The following CPA6 variants were observed in gnomAD, a reference collection of about 807,000 sequenced individuals.
CPA6 encodes carboxypeptidase A6.
A neutral mutation model predicts 63.3 loss-of-function variants in CPA6; 58 were observed. The observed-to-expected ratio is 0.92, with a 90% CI of 0.74 to 1.14. The LOEUF (loss-of-function observed/expected upper bound fraction) is 1.14, where lower values mean the gene tolerates loss of function less well. Ranked by LOEUF, CPA6 falls within the 50% of genes most tolerant of loss-of-function variation. The probability of loss-of-function intolerance (pLI) is 0.00; values close to 1 mark genes in which losing one functional copy is unlikely to be tolerated. For synonymous variants in CPA6, 185 were observed against 179.0 expected (o/e 1.03, Z -0.27); for missense variants, 565 against 526.6 (o/e 1.07, Z -0.71).
At chr8:67,529,878 T>C (rs1444650999) in intron 2 of CPA6, among the ~76,000 whole-genome samples, 1 of 152,178 alleles carries the variant, frequency 6.6e-6, no homozygotes, top group Non-Finnish European at 1.5e-5. Flanking sequence ...AGCTTTTTAA[T>C]GCCCAACTCT....
intron 8 of CPA6, among the ~76,000 whole-genome samples, chr8:67,453,670 C>T (rs1250718620): frequency 6.6e-6 from 1 of 151,482 alleles, no homozygotes; most frequent in African/African-American, 2.4e-5. Context: ...AAAAGAGGAC[C>T]AACAAAATAG....
At chr8:67,572,486 C>T (rs1316117140) in intron 2 of CPA6, among the ~76,000 whole-genome samples, 1 of 152,218 alleles carries the variant, frequency 6.6e-6, no homozygotes, top group African/African-American at 2.4e-5. Context: ...CTTTGATCTT[C>T]TCTGCCATGT....
intron 1 of CPA6, among the ~76,000 whole-genome samples, chr8:67,705,085 C>T (rs1000299347): frequency 3.9e-5 from 6 of 152,130 alleles, no homozygotes; most frequent in South Asian, 2.1e-4. Flanking sequence ...CCAGGTTGCC[C>T]CAGAATACCC....
rs1015254642 is a variant in CPA6, at chr8:67,636,598, A to C, written c.117-12347T>G. On this transcript the variant is annotated intron_variant, in intron 1 of 10. Transcript: ENST00000297770. Reference sequence around the variant, plus strand: ...TTTAATTTTGATGGCAGCTTAAAAAACTGTGTGTTTTCAGAAGGAAAGATT... The same window carrying C: ...TTTAATTTTGATGGCAGCTTAAAAACCTGTGTGTTTTCAGAAGGAAAGATT... 2.0e-5 allele frequency among the ~76,000 whole-genome samples: 3 copies of C among 151,424 alleles called. 1 individual carries two copies. The highest frequency in any genetic ancestry group is 7.4e-5 in the African/African-American group (3 of 40,792).
At chr8:67,544,789 C>A (rs1204264703) in intron 2 of CPA6, among the ~76,000 whole-genome samples, 1 of 152,164 alleles carries the variant, frequency 6.6e-6, no homozygotes. Context: ...CCCTTAATCC[C>A]CAACTTCCAC....
At position 67,509,582 on chromosome 8, in the gene CPA6, A is replaced by G; in HGVS notation, c.469T>C (p.Ser157Pro). The G allele has an allele frequency of 6.3e-7, 1 of 1,598,932 alleles. No homozygotes were observed. Residue 157 changes from serine to proline, a missense_variant, in exon 5 of 11, where the codon TCA becomes CCA. Ser to Pro is a moderately conservative substitution (Grantham distance 74). Coordinates refer to ENST00000297770, the MANE Select transcript of CPA6 (RefSeq NM_020361.5). ...NWMHHLNKTH[S>P]GLIHMFSIGR... ...ATAGAGAACATGTGAATGAGGCCTG[A>G]GTGAGTTTTATTCAGATGATGCATC...
chr8:67,699,592 T>C lies in CPA6; in HGVS notation c.116+46422A>G, dbSNP rs746138905. ...GAAGTGATTTATGTTTTTTCTTCTT[T>C]TTTTTTTTTCTTGAGACAGAGTTTC... On this transcript the variant is annotated intron_variant, in intron 1 of 10. Coordinates refer to ENST00000297770, the MANE Select transcript of CPA6 (RefSeq NM_020361.5). Among the ~76,000 whole-genome samples the C allele has an allele frequency of 3.9e-4, 60 of 151,904 alleles. 1 individual carries two copies. The highest frequency in any genetic ancestry group is 2.8e-3 in the Admixed American group (42 of 15,252).
At chr8:67,460,732 T>G (rs1810780905) in intron 8 of CPA6, among the ~76,000 whole-genome samples, 1 of 152,228 alleles carries the variant, frequency 6.6e-6, no homozygotes, top group African/African-American at 2.4e-5. Context: ...TATATCACAT[T>G]AAAGAAATTG....
intron 6 of CPA6, among the ~76,000 whole-genome samples, chr8:67,498,535 CAAAAAAA>C (rs397940852): frequency 1.2e-4 from 4 of 33,174 alleles, no homozygotes; most frequent in Non-Finnish European, 3.3e-4. Flanking sequence ...GACTCCATCT[CAAAAAAA>C]AAAAAAAAAA....
At chr8:67,573,345 G>A (rs1813534383) in intron 2 of CPA6, among the ~76,000 whole-genome samples, 1 of 152,164 alleles carries the variant, frequency 6.6e-6, no homozygotes, top group East Asian at 1.9e-4. Context: ...ACTGTTGGCT[G>A]ACAACATGAT....
intron 2 of CPA6, among the ~76,000 whole-genome samples, chr8:67,586,727 G>C (rs540520142): frequency 6.6e-6 from 1 of 152,166 alleles, no homozygotes; most frequent in Non-Finnish European, 1.5e-5. Flanking sequence ...TGATGTTGTT[G>C]CTAGAATTAT....
intron 6 of CPA6, among the ~76,000 whole-genome samples, chr8:67,487,591 AT>A (rs1811508814): frequency 6.6e-6 from 1 of 152,324 alleles, no homozygotes; most frequent in South Asian, 2.1e-4. Context: ...ACTGGGTCAA[AT>A]GGTATTTCTA....
chr8:67,484,004 A>C, intron 7 of CPA6, 146 bp from the exon 8 acceptor site: 1 of 679,938 alleles, frequency 1.5e-6, no homozygotes, highest in Non-Finnish European at 2.5e-6. Context: ...GAAAAAGAGC[A>C]CTGGATTAGT....
At chr8:67,705,968 A>C (rs757140064) in intron 1 of CPA6, among the ~76,000 whole-genome samples, 17 of 152,224 alleles carry the variant, frequency 1.1e-4, no homozygotes, top group Non-Finnish European at 2.2e-4. Context: ...AAAAGTTATA[A>C]AGAGGAGATT....
At chr8:67,616,179 G>C (rs1177827215) in intron 2 of CPA6, among the ~76,000 whole-genome samples, 3 of 152,226 alleles carry the variant, frequency 2.0e-5, no homozygotes, top group Non-Finnish European at 4.4e-5. Context: ...ATCTCTAGCA[G>C]TGGGGTTAGA....
At chr8:67,636,509 A>G (rs572636060) in intron 1 of CPA6, among the ~76,000 whole-genome samples, 29 of 151,532 alleles carry the variant, frequency 1.9e-4, no homozygotes, top group African/African-American at 6.9e-4. Context: ...CAGTCTTCAC[A>G]GGTGAGAATA....
intron 2 of CPA6, among the ~76,000 whole-genome samples, chr8:67,593,563 G>T (rs994822664): frequency 1.3e-5 from 2 of 152,168 alleles, no homozygotes; most frequent in Non-Finnish European, 2.9e-5. Flanking sequence ...ATGAATCTGG[G>T]TGCTCCTGTA....
intron 2 of CPA6, among the ~76,000 whole-genome samples, chr8:67,562,044 T>C (rs1432782281): frequency 6.6e-6 from 1 of 152,194 alleles, no homozygotes; most frequent in Non-Finnish European, 1.5e-5. Flanking sequence ...TGGTGAATTC[T>C]ACAGGTTTAA....
intron 2 of CPA6, among the ~76,000 whole-genome samples, chr8:67,531,887 G>T (rs1004688687): frequency 6.6e-6 from 1 of 151,860 alleles, no homozygotes; most frequent in Non-Finnish European, 1.5e-5. Flanking sequence ...ATTAAATTTA[G>T]AAATCAATGA....
Sources: allele counts gnomAD v4.1 joint callset (sites outside exome capture counted in the v4.1 genomes callset), GRCh38; gene constraint gnomAD v4.1.1; transcripts MANE v1.5; gene names NCBI Gene and HGNC (gene_info 2026-07-23, HGNC 2026-07-21).